Variants in EYS observed in about 807,000 individuals in gnomAD.
EYS encodes the protein EGF-like photoreceptor maintenance factor.
Under a neutral mutation model 282.1 loss-of-function variants are expected in EYS, and 250 were observed. The ratio of observed to expected loss-of-function variants is 0.89; its 90% CI spans 0.80 to 0.98. The LOEUF is 0.98. Among genes scored for constraint, EYS ranks in the 50% least tolerant of loss-of-function variants. EYS has a pLI of 0.00. For synonymous variants in EYS, 1,355 were observed against 1,282.9 expected, an observed-to-expected ratio of 1.06 and a Z score of -1.20; for missense variants, 4,016 against 3,709.0, an observed-to-expected ratio of 1.08 and a Z score of -2.15.
chr6:65,291,768 A>G (rs1582107423), intron 12 of EYS, among the ~76,000 whole-genome samples: 1 of 151,598 alleles, frequency 6.6e-6, no homozygotes, highest in East Asian at 1.9e-4. Context: ...GATGAGGCTC[A>G]TTTTCATGAA....
rs1772835579 is a variant in EYS at position 64,384,131 on chromosome 6, G to A, written c.6078+4559C>T. 2.0e-5 allele frequency among the ~76,000 whole-genome samples: 3 copies of A among 152,132 alleles called. No individual in the cohort carries two copies. The South Asian group carries it at 6.2e-4, about 31-fold the overall frequency. ...TGGCTAAAGGATTTTGATGGCTAAT[G>A]ATTGACAGGGCTTTTTATAAAAGTG... On this transcript the variant is annotated intron_variant, in intron 29 of 42. Transcript: ENST00000503581.
At position 65,360,740 on chromosome 6, in the gene EYS, C is replaced by T. The variant is rs919488911; in HGVS notation, c.1300-7123G>A. Among the ~76,000 whole-genome samples, 18 of 152,222 alleles carry T rather than the reference C, an allele frequency of 1.2e-4. No individual in the cohort carries two copies. In the East Asian group the frequency reaches 1.9e-3, roughly 16 times the overall value. ...AAAAGTTTAAATTACGGCATCCTTG[C>T]TCTCACTGAGCTCACAGTCTAATGT... On this transcript the variant is annotated intron_variant, in intron 8 of 42. Coordinates refer to ENST00000503581, the MANE Select transcript of EYS (RefSeq NM_001142800.2).
intron 14 of EYS, among the ~76,000 whole-genome samples, chr6:64,982,964 T>A (rs147745934): frequency 1.3e-5 from 2 of 151,306 alleles, no homozygotes; most frequent in Non-Finnish European, 3.0e-5. Flanking sequence ...AATAAAATCC[T>A]TATGATGCTT....
chr6:64,873,570 G>T (rs1766658209), intron 19 of EYS, among the ~76,000 whole-genome samples: 2 of 151,976 alleles, frequency 1.3e-5, no homozygotes, highest in South Asian at 4.1e-4. Context: ...TGATCAAAGG[G>T]TACAAATTTT....
chr6:64,820,010 C>G (rs530996237), intron 21 of EYS, among the ~76,000 whole-genome samples: 1 of 152,128 alleles, frequency 6.6e-6, no homozygotes, highest in South Asian at 2.1e-4. Flanking sequence ...TTACATTCTC[C>G]TCATGAAATT....
intron 2 of EYS, among the ~76,000 whole-genome samples, chr6:65,516,049 A>T (rs966024228): frequency 3.9e-5 from 6 of 152,010 alleles, no homozygotes; most frequent in Non-Finnish European, 5.9e-5. Context: ...ATATTTATAG[A>T]ATAGCTAAAT....
At chr6:65,160,236 C>A (rs1388235575) in intron 12 of EYS, among the ~76,000 whole-genome samples, 1 of 150,870 alleles carries the variant, frequency 6.6e-6, no homozygotes, top group African/African-American at 2.4e-5. Context: ...GGTCATGTAA[C>A]TTTCAGTTTT....
chr6:64,621,484 T>C (rs1767444838), intron 23 of EYS, among the ~76,000 whole-genome samples: 2 of 152,196 alleles, frequency 1.3e-5, no homozygotes, highest in African/African-American at 4.8e-5. Context: ...AAAAAAATTT[T>C]ACATGTACAC....
rs144875550 is a variant in EYS at position 65,124,759 on chromosome 6, C to T, written c.2024-67032G>A. ...TAGAACTTAATTGTTCATCTAAATG[C>T]TCTGTGAAGTGTTTGAATAGGTGTA... On this transcript the variant is annotated intron_variant, in intron 12 of 42. Coordinates refer to ENST00000503581, the MANE Select transcript of EYS (RefSeq NM_001142800.2). Among the ~76,000 whole-genome samples, 444 of 152,266 alleles carry T rather than the reference C, an allele frequency of 2.9e-3. 17 individuals carry two copies. Among genetic ancestry groups the T allele is most frequent in the Admixed American group, 0.026 (403 of 15,288 alleles).
At chr6:65,091,045 G>T (rs1774542468) in intron 12 of EYS, among the ~76,000 whole-genome samples, 1 of 151,812 alleles carries the variant, frequency 6.6e-6, no homozygotes, top group South Asian at 2.1e-4. Context: ...GATTAAACAT[G>T]CATTTTTTAG....
chr6:65,378,765 T>TGA (rs1765493524), intron 8 of EYS, among the ~76,000 whole-genome samples: 2 of 151,938 alleles, frequency 1.3e-5, no homozygotes, highest in African/African-American at 4.8e-5. Flanking sequence ...ACCATCATTC[T>TGA]CAGCAAACTA....
chr6:64,553,650 C>A (rs1765159270), intron 26 of EYS, among the ~76,000 whole-genome samples: 1 of 145,510 alleles, frequency 6.9e-6, no homozygotes. Flanking sequence ...GGTGCCTTTG[C>A]TGAAATCATT....
rs550208124 is a variant in EYS, at chr6:63,974,940, G to T, written c.7055+9443C>A. Among the ~76,000 whole-genome samples the T allele has an allele frequency of 2.0e-5, 3 of 151,964 alleles. No homozygotes were observed. In the South Asian group the frequency reaches 6.2e-4, roughly 31 times the overall value. On this transcript the variant is annotated intron_variant, in intron 35 of 42. Coordinates refer to ENST00000503581, the MANE Select transcript of EYS (RefSeq NM_001142800.2). The stretch of plus-strand genomic sequence containing the variant: ...ATTTGTACTTTACCATAGAGCTGGT[G>T]ACACTTAAACATTGGTAAGAGTTAC...
chr6:63,741,871 G>C (rs1294010721), intron 41 of EYS: 2 of 701,054 alleles, frequency 2.9e-6, no homozygotes, highest in Non-Finnish European at 2.6e-6. Flanking sequence ...GGTAGTCAGG[G>C]TAGTCGTATG....
rs376615379 is a variant in EYS, at chr6:64,524,543, C to A, written c.5644+65680G>T. Among the ~76,000 whole-genome samples, 42 of 151,964 alleles carry A rather than the reference C, an allele frequency of 2.8e-4. No homozygotes were observed. In the South Asian group the frequency reaches 7.7e-3, roughly 28 times the overall value. ...GCACTTGGCATCTTTGTCATGAAATCTTTGTCTGTTCCTATGTCCAGAATA... is the reference window on the plus strand; with the variant it reads ...GCACTTGGCATCTTTGTCATGAAATATTTGTCTGTTCCTATGTCCAGAATA... On this transcript the variant is annotated intron_variant, in intron 26 of 42. Transcript: ENST00000503581.
At chr6:65,043,423 A>G (rs116494497) in intron 13 of EYS, among the ~76,000 whole-genome samples, 1,896 of 151,580 alleles carry the variant, frequency 0.013, 44 homozygotes, top group African/African-American at 0.043. Context: ...TAAATGGAGT[A>G]TGTTAATGGT....
chr6:64,267,754 A>G (rs1171314354), intron 30 of EYS, among the ~76,000 whole-genome samples: 7 of 152,120 alleles, frequency 4.6e-5, no homozygotes, highest in Admixed American at 4.6e-4. Context: ...AGCCAATGAA[A>G]AAATAACCAA....
intron 23 of EYS, 37 bp from the exon 24 acceptor site, chr6:64,617,570 T>A: frequency 8.5e-7 from 1 of 1,174,280 alleles, no homozygotes; most frequent in Non-Finnish European, 1.2e-6. Context: ...ATGCAATTTT[T>A]AATGATAATA....
At position 64,902,221 on chromosome 6, in the gene EYS, C is replaced by A. The variant is rs943468139; in HGVS notation, c.2739-1G>T. 12 of 1,544,594 alleles carry A rather than the reference C, an allele frequency of 7.8e-6. No individual in the cohort carries two copies. Among genetic ancestry groups the A allele is most frequent in the African/African-American group, 1.4e-5 (1 of 72,700 alleles). On this transcript the variant is annotated splice_acceptor_variant, in intron 17 of 42. Transcript: ENST00000503581. LOFTEE classifies it high-confidence loss of function. ...AGAAAACCCAGGTCTGCAAATACAC[C>A]TTTTAAACAAAAAATTTAGTAACTC...
Sources: allele counts gnomAD v4.1 joint callset (sites outside exome capture counted in the v4.1 genomes callset), GRCh38; gene constraint gnomAD v4.1.1; transcripts MANE v1.5; gene names NCBI Gene and HGNC (gene_info 2026-07-23, HGNC 2026-07-21).